Variants in SCN8A observed in about 807,000 individuals in gnomAD.
The protein encoded by SCN8A is sodium channel protein type 8 subunit alpha.
Under a neutral mutation model 184.1 loss-of-function variants are expected in SCN8A, and 30 were observed. The ratio of observed to expected loss-of-function variants is 0.16; its 90% CI spans 0.12 to 0.22. The LOEUF (loss-of-function observed/expected upper bound fraction) is 0.22, where lower values mean the gene tolerates loss of function less well. SCN8A is among the 10% of genes least tolerant of loss of function. SCN8A has a pLI of 1.00. For missense variants in SCN8A, 1,057 were observed against 2,498.9 expected (o/e 0.42, Z 12.30); for synonymous variants, 852 against 907.0 (o/e 0.94, Z 1.09).
rs1392749797 is a variant in SCN8A, at chr12:51,645,557, G to A, written c.-54-17207G>A. Among the ~76,000 whole-genome samples the A allele has an allele frequency of 1.1e-4, 16 of 152,262 alleles. No homozygotes were observed. The South Asian group carries it at 1.7e-3, about 16-fold the overall frequency. On this transcript the variant is annotated intron_variant, in intron 1 of 26. Transcript: ENST00000627620. ...AAGATTGAGAAATCGGATGGTTGCC[G>A]TGTCTGTGTAGAAAGAGGTAGACAT...
At chr12:51,641,792 G>C (rs1940459758) in intron 1 of SCN8A, among the ~76,000 whole-genome samples, 1 of 152,120 alleles carries the variant, frequency 6.6e-6, no homozygotes, top group Admixed American at 6.6e-5. Flanking sequence ...CCTCGCCCTG[G>C]CAGTGTAACT....
intron 26 of SCN8A, among the ~76,000 whole-genome samples, chr12:51,794,891 A>G (rs1315758501): frequency 6.6e-6 from 1 of 152,174 alleles, no homozygotes; most frequent in Non-Finnish European, 1.5e-5. Flanking sequence ...AAAGAAAAAA[A>G]AAGAAGATTG....
At chr12:51,603,403 A>G (rs1443976302) in intron 1 of SCN8A, among the ~76,000 whole-genome samples, 2 of 152,196 alleles carry the variant, frequency 1.3e-5, no homozygotes, top group African/African-American at 2.4e-5. Flanking sequence ...ATGCATATAC[A>G]TTGTATATAA....
chr12:51,607,638 C>T (rs937146457), intron 1 of SCN8A, among the ~76,000 whole-genome samples: 1 of 152,066 alleles, frequency 6.6e-6, no homozygotes, highest in Non-Finnish European at 1.5e-5. Flanking sequence ...GATCATAAAG[C>T]GATGCTGCAT....
At position 51,706,714 on chromosome 12, in the gene SCN8A, A is replaced by T; in HGVS notation, c.1634A>T (p.Gln545Leu). 6.6e-7 allele frequency: 1 copy of T among 1,524,848 alleles called. No homozygotes were observed. The highest frequency in any genetic ancestry group is 8.8e-7 in the Non-Finnish European group (1 of 1,141,768). The allele number at this position is 1,524,848 out of a possible 1,614,324, so 94.5% of individuals were successfully genotyped here. The change falls in exon 11 of 27, where the codon CAG becomes CTG. Residue 545 changes from glutamine to leucine, a missense_variant and splice_region_variant. This residue lies in a region of SCN8A where 322 missense variants were observed against 390.1 expected (regional missense o/e 0.83). Coordinates refer to ENST00000627620, the MANE Select transcript of SCN8A (RefSeq NM_001330260.2). ...GGGAGGAAATTTTCCATCATGAATC[A>T]GGTAAACTCTTCTTTTTTCTATACC... The part of the protein sequence containing the change: ...RIGRKFSIMN[Q>L]SLLSIPGSPF...
chr12:51,593,555 T>A (rs2220750), intron 1 of SCN8A, among the ~76,000 whole-genome samples: 134,929 of 152,144 alleles, frequency 0.89, 60,038 homozygotes, highest in East Asian at 0.99. Context: ...CCCTTAAGAA[T>A]TTTTTCTCCT....
chr12:51,627,886 A>T (rs1253423248), intron 1 of SCN8A, among the ~76,000 whole-genome samples: 1 of 152,218 alleles, frequency 6.6e-6, no homozygotes, highest in Non-Finnish European at 1.5e-5. Context: ...TCTGTCTCCT[A>T]GAGTGCAAAG....
At chr12:51,629,582 CA>C (rs71092711) in intron 1 of SCN8A, among the ~76,000 whole-genome samples, 1,525 of 129,338 alleles carry the variant, frequency 0.012, 9 homozygotes, top group African/African-American at 0.043. Context: ...ATCAGTTTTG[CA>C]AAAAAAAAAA....
intron 24 of SCN8A, 63 bp from the exon 25 acceptor site, chr12:51,790,335 G>A: frequency 8.4e-7 from 1 of 1,196,490 alleles, no homozygotes; most frequent in African/African-American, 1.5e-5. Context: ...TGAACCTTAG[G>A]TCCAAACCCA....
chr12:51,650,660 T>C (rs1219473665), intron 1 of SCN8A, among the ~76,000 whole-genome samples: 1 of 152,082 alleles, frequency 6.6e-6, no homozygotes, highest in African/African-American at 2.4e-5. Flanking sequence ...CACTGTGACA[T>C]GTTCATGATG....
chr12:51,634,810 G>A (rs1471505766), intron 1 of SCN8A, among the ~76,000 whole-genome samples: 4 of 151,578 alleles, frequency 2.6e-5, no homozygotes, highest in Middle Eastern at 3.4e-3. Context: ...CACCACACCC[G>A]GCTAATTTTT....
intron 12 of SCN8A, among the ~76,000 whole-genome samples, chr12:51,743,691 C>G (rs927658235): frequency 1.1e-4 from 17 of 152,222 alleles, no homozygotes; most frequent in African/African-American, 3.6e-4. Flanking sequence ...CACCTGTGTT[C>G]ACTCAGGGCC....
At chr12:51,749,105 C>G (rs1340512526) in intron 13 of SCN8A, among the ~76,000 whole-genome samples, 1 of 152,228 alleles carries the variant, frequency 6.6e-6, no homozygotes, top group Non-Finnish European at 1.5e-5. Context: ...GCATGTGGAA[C>G]CAGTAACAGT....
chr12:51,616,776 A>G (rs1939848378), intron 1 of SCN8A, among the ~76,000 whole-genome samples: 1 of 151,914 alleles, frequency 6.6e-6, no homozygotes, highest in African/African-American at 2.4e-5. Context: ...AAAATTAGCC[A>G]GGCATGGTGG....
intron 5 of SCN8A, chr12:51,688,749 A>G: frequency 6.2e-7 from 1 of 1,610,032 alleles, no homozygotes; most frequent in Non-Finnish European, 8.5e-7. Context: ...CTTTGGTTTG[A>G]TTCTGCAGGT....
intron 13 of SCN8A, among the ~76,000 whole-genome samples, chr12:51,746,367 G>C: frequency 6.6e-6 from 1 of 152,172 alleles, no homozygotes; most frequent in East Asian, 1.9e-4. Flanking sequence ...ATAAAGGAAT[G>C]TAGACTGAAG....
intron 1 of SCN8A, among the ~76,000 whole-genome samples, chr12:51,628,455 T>C (rs1940126996): frequency 6.6e-6 from 1 of 152,172 alleles, no homozygotes; most frequent in Non-Finnish European, 1.5e-5. Context: ...AGCTGTTTTG[T>C]AGCCTGGTTA....
chr12:51,697,632 T>G (rs1248461914), intron 6 of SCN8A, among the ~76,000 whole-genome samples: 1 of 152,192 alleles, frequency 6.6e-6, no homozygotes, highest in Non-Finnish European at 1.5e-5. Context: ...TGTAAAATAG[T>G]GATAACAAGT....
chr12:51,721,985 C>T (rs769924305), intron 12 of SCN8A, 77 bp downstream of exon 12: 10 of 1,597,480 alleles, frequency 6.3e-6, no homozygotes, highest in Non-Finnish European at 8.5e-6. Context: ...ATGGCAGTCT[C>T]CCCCGCTCCT....
Sources: gnomAD v4.1 joint callset for allele counts (sites outside exome capture counted in the v4.1 genomes callset) on GRCh38, gnomAD v4.1.1 for gene constraint, gnomAD v4.1.1 regional missense constraint, MANE v1.5 for transcripts, NCBI Gene and HGNC (gene_info 2026-07-23, HGNC 2026-07-21) for gene names.